SEC22B: variants seen among roughly 807,000 people sequenced by gnomAD.
The protein encoded by SEC22B is vesicle-trafficking protein SEC22b.
Under a neutral mutation model 31.4 loss-of-function variants are expected in SEC22B, and 10 were observed. The ratio of observed to expected loss-of-function variants is 0.32; its 90% CI spans 0.20 to 0.54. SEC22B has a LOEUF of 0.54. Ranked by LOEUF, SEC22B falls within the 20% of genes least tolerant of loss-of-function variation. The pLI, the probability that SEC22B is intolerant of heterozygous loss-of-function variation, is 0.94. For missense variants in SEC22B, 130 were observed against 263.4 expected, an observed-to-expected ratio of 0.49 and a Z score of 3.50; for synonymous variants, 60 against 95.9, an observed-to-expected ratio of 0.63 and a Z score of 2.19.
intron 2 of SEC22B, among the ~76,000 whole-genome samples, chr1:120,166,146 G>A (rs1471405932): frequency 5.5e-5 from 8 of 146,248 alleles, no homozygotes; most frequent in Non-Finnish European, 1.0e-4. Context: ...AAATGCTGTT[G>A]AGGATGAAGA....
rs1163189560 is a variant in SEC22B, at chr1:120,163,071, G to A, written c.346+139C>T. 77 of 528,598 alleles carry A rather than the reference G, an allele frequency of 1.5e-4. No homozygotes were observed. In the East Asian group the frequency reaches 2.0e-3, roughly 14 times the overall value. 32.7% of individuals were successfully genotyped at this position (528,598 alleles called of 1,614,324 possible). A position where few individuals can be genotyped will look rare whatever the true frequency, so the allele number is the denominator to read the frequency against. Reference sequence around the variant, plus strand: ...GTCACTCAAAAAGACAAAAAGAAGTGGAATGGAAAAGGATGCAGAAGCTAA... The same window carrying A: ...GTCACTCAAAAAGACAAAAAGAAGTAGAATGGAAAAGGATGCAGAAGCTAA... On this transcript the variant is annotated intron_variant, in intron 3 of 4. Coordinates refer to ENST00000578049, the MANE Select transcript of SEC22B (RefSeq NM_004892.6).
intron 3 of SEC22B, among the ~76,000 whole-genome samples, chr1:120,161,259 G>C: frequency 6.6e-6 from 1 of 152,216 alleles, no homozygotes; most frequent in South Asian, 2.1e-4. Context: ...AGCCTAACAT[G>C]GCAAAAGGGT....
intron 3 of SEC22B, among the ~76,000 whole-genome samples, chr1:120,162,696 AAAT>A (rs1187736388): frequency 5.4e-4 from 83 of 152,324 alleles, no homozygotes; most frequent in African/African-American, 1.9e-3. Context: ...TGAATGTAGT[AAAT>A]ATTATACCCC....
rs1657564941 is a variant in SEC22B, at chr1:120,152,736, A to C, written c.*4302T>G. The stretch of plus-strand genomic sequence containing the variant: ...ATAATAAAAAGAAATTGCAAAAAAT[A>C]ACTTTTGAAAATAAACATACTAATA... On this transcript the variant is annotated 3_prime_UTR_variant, in exon 5 of 5. Transcript: ENST00000578049. The C allele has an allele frequency of 7.3e-6, 1 of 136,222 alleles. No homozygotes were observed. The highest frequency in any genetic ancestry group is 1.5e-5 in the Non-Finnish European group (1 of 67,020). 8.4% of individuals were successfully genotyped at this position (136,222 alleles called of 1,614,324 possible). A position where few individuals can be genotyped will look rare whatever the true frequency, so the allele number is the denominator to read the frequency against.
intron 1 of SEC22B, among the ~76,000 whole-genome samples, chr1:120,173,245 C>G (rs1289041865): frequency 6.9e-5 from 4 of 57,724 alleles, no homozygotes; most frequent in African/African-American, 3.6e-4. Context: ...AGATCTAACA[C>G]TTTCTTCAAG....
chr1:120,162,925 T>C (rs1258369783), intron 3 of SEC22B, among the ~76,000 whole-genome samples: 2 of 152,144 alleles, frequency 1.3e-5, no homozygotes, highest in Non-Finnish European at 2.9e-5. Context: ...TAGGCACAGT[T>C]CCTGTCACAT....
At chr1:120,175,625 T>C (rs1467460867) in intron 1 of SEC22B, among the ~76,000 whole-genome samples, 1 of 152,254 alleles carries the variant, frequency 6.6e-6, no homozygotes, top group Non-Finnish European at 1.5e-5. Context: ...CAATTCAGTA[T>C]ACTTTTGAGC....
intron 1 of SEC22B, among the ~76,000 whole-genome samples, chr1:120,169,478 A>G (rs1331129666): frequency 1.3e-5 from 2 of 152,304 alleles, no homozygotes; most frequent in African/African-American, 4.8e-5. Flanking sequence ...CCAAGGGTAG[A>G]GACAAAGATT....
At chr1:120,176,243 C>T (rs1657960922) in intron 1 of SEC22B, 64 bp downstream of exon 1, 9 of 1,503,376 alleles carry the variant, frequency 6.0e-6, no homozygotes, top group Middle Eastern at 3.5e-4. Flanking sequence ...GGAAGGAATC[C>T]GATGCTGAGG....
chr1:120,151,026 C>A lies in SEC22B; in HGVS notation c.*6012G>T, dbSNP rs1476517052. On this transcript the variant is annotated 3_prime_UTR_variant, in exon 5 of 5. Coordinates refer to ENST00000578049, the MANE Select transcript of SEC22B (RefSeq NM_004892.6). ...GAAAGATGTTAATCCATCTTAGCAA[C>A]CTAATTACCTCTTAAAAGTACCATC... 6.6e-6 allele frequency: 1 copy of A among 152,178 alleles called. No individual in the cohort carries two copies. The highest frequency in any genetic ancestry group is 1.5e-5 in the Non-Finnish European group (1 of 68,034). The allele number at this position is 152,178 out of a possible 1,614,324, so 9.4% of individuals were successfully genotyped here. A position where few individuals can be genotyped will look rare whatever the true frequency, so the allele number is the denominator to read the frequency against.
At chr1:120,176,270 G>C in intron 1 of SEC22B, 37 bp downstream of exon 1, 1 of 1,594,438 alleles carries the variant, frequency 6.3e-7, no homozygotes, top group African/African-American at 1.3e-5. Flanking sequence ...CGCGCTGACA[G>C]AGACTTGGGG....
At position 120,176,430 on chromosome 1, in the gene SEC22B, C is replaced by T; in HGVS notation, c.-49G>A. 5.2e-6 allele frequency: 8 copies of T among 1,534,048 alleles called. No homozygotes were observed. In the South Asian group the frequency reaches 9.0e-5, roughly 17 times the overall value. On this transcript the variant is annotated 5_prime_UTR_variant, in exon 1 of 5. Transcript: ENST00000578049. ...CACTGGCCCGGAAGGCCCTTGGCGC[C>T]GTCCTCACTTCCTCCGCCGCGACAA...
At chr1:120,168,973 A>T in intron 1 of SEC22B, 24 bp from the exon 2 acceptor site, 1 of 846,466 alleles carries the variant, frequency 1.2e-6, no homozygotes, top group Non-Finnish European at 1.7e-6. Context: ...TCTTCATTTA[A>T]GAATTTTCCA....
chr1:120,175,780 G>C (rs1361407995), intron 1 of SEC22B, among the ~76,000 whole-genome samples: 1 of 152,136 alleles, frequency 6.6e-6, no homozygotes, highest in Non-Finnish European at 1.5e-5. Flanking sequence ...GTGGTACGGC[G>C]TATTGGAGAA....
chr1:120,160,453 A>T lies in SEC22B; in HGVS notation c.424T>A (p.Leu142Met). ...RRNLGSINTELQDVQRIMVAN... is the reference protein window; with the variant it reads ...RRNLGSINTEMQDVQRIMVAN... ...ACCATGATCCTCTGCACATCTTGCA[A>T]TTCAGTGTTGATGGAGCCTAGATTT... The change falls in exon 4 of 5, where the codon TTG becomes ATG. Residue 142 changes from leucine to methionine, a missense_variant. Physicochemically the swap from Leu to Met is conservative, Grantham distance 15 (BLOSUM62 2). Around this residue, in one of 4 missense-constraint regions of SEC22B, gnomAD observed 53 missense variants for 63.3 expected, o/e 0.84. Transcript: ENST00000578049. 1 of 1,612,534 alleles carries T rather than the reference A, an allele frequency of 6.2e-7. No homozygotes were observed. The highest frequency in any genetic ancestry group is 8.5e-7 in the Non-Finnish European group (1 of 1,179,090).
rs1379022932 is a variant in SEC22B at position 120,153,211 on chromosome 1, T to C, written c.*3827A>G. 25 of 150,176 alleles carry C rather than the reference T, an allele frequency of 1.7e-4. No individual in the cohort carries two copies. Among genetic ancestry groups the C allele is most frequent in the African/African-American group, 6.3e-4 (25 of 39,886 alleles). The allele number at this position is 150,176 out of a possible 1,614,324, so 9.3% of individuals were successfully genotyped here. A position where few individuals can be genotyped will look rare whatever the true frequency, so the allele number is the denominator to read the frequency against. ...CAAACTCTGTCACACATACAATGAC[T>C]GCTATTTACCTTCCTCCTGAGCCAT... On this transcript the variant is annotated 3_prime_UTR_variant, in exon 5 of 5. Coordinates refer to ENST00000578049, the MANE Select transcript of SEC22B (RefSeq NM_004892.6).
At chr1:120,167,516 G>A (rs1427014083) in intron 2 of SEC22B, among the ~76,000 whole-genome samples, 8 of 151,574 alleles carry the variant, frequency 5.3e-5, no homozygotes, top group African/African-American at 1.7e-4. Flanking sequence ...CCTCTGTCCC[G>A]TTTCTTCAAA....
intron 2 of SEC22B, 42 bp downstream of exon 2, chr1:120,168,798 A>G: frequency 3.9e-6 from 3 of 763,646 alleles, no homozygotes; most frequent in Non-Finnish European, 5.4e-6. Flanking sequence ...CTGTTACTGT[A>G]TTTCACTTAA....
Position 120,155,837 on chromosome 1 carries a change from G to A in SEC22B, c.*1201C>T, listed in dbSNP as rs1356527423. ...CCTGAGCAGAAAAGGAAAAAATCATGGGTACTTTAATTAGTTAATAGAAAC... is the reference window on the plus strand; with the variant it reads ...CCTGAGCAGAAAAGGAAAAAATCATAGGTACTTTAATTAGTTAATAGAAAC... On this transcript the variant is annotated 3_prime_UTR_variant, in exon 5 of 5. Coordinates refer to ENST00000578049, the MANE Select transcript of SEC22B (RefSeq NM_004892.6). The A allele has an allele frequency of 1.3e-5, 2 of 151,682 alleles. No individual in the cohort carries two copies. The highest frequency in any genetic ancestry group is 4.8e-5 in the African/African-American group (2 of 41,300). 9.4% of individuals were successfully genotyped at this position (151,682 alleles called of 1,614,324 possible).
Sources: gnomAD v4.1 joint callset for allele counts (sites outside exome capture counted in the v4.1 genomes callset) on GRCh38, gnomAD v4.1.1 for gene constraint, gnomAD v4.1.1 regional missense constraint, MANE v1.5 for transcripts, NCBI Gene and HGNC (gene_info 2026-07-23, HGNC 2026-07-21) for gene names.